The following ABCC1 variants were observed in gnomAD, a reference collection of about 807,000 sequenced individuals.
The protein encoded by ABCC1 is ATP binding cassette subfamily C member 1 (ABCC1 blood group).
A neutral mutation model predicts 172.9 loss-of-function variants in ABCC1; 83 were observed. The ratio of observed to expected loss-of-function variants is 0.48; its 90% CI spans 0.40 to 0.58. The LOEUF is 0.58. Among genes scored for constraint, ABCC1 ranks in the 20% least tolerant of loss-of-function variants. ABCC1 has a pLI of 0.00. For missense variants in ABCC1, 1,817 were observed against 2,002.7 expected, an observed-to-expected ratio of 0.91 and a Z score of 1.77; for synonymous variants, 937 against 825.2, an observed-to-expected ratio of 1.14 and a Z score of -2.32.
At chr16:16,092,575 A>G (rs1189478880) in intron 19 of ABCC1, among the ~76,000 whole-genome samples, 2 of 152,242 alleles carry the variant, frequency 1.3e-5, no homozygotes, top group Non-Finnish European at 2.9e-5. Context: ...TTGCGGAATA[A>G]TATGCCATTG....
At chr16:16,133,797 C>A (rs2045804156) in intron 27 of ABCC1, among the ~76,000 whole-genome samples, 1 of 152,198 alleles carries the variant, frequency 6.6e-6, no homozygotes, top group African/African-American at 2.4e-5. Context: ...AAGGAGCCCA[C>A]TTCTCAAGAG....
At chr16:16,000,952 A>G (rs1267968414) in intron 1 of ABCC1, among the ~76,000 whole-genome samples, 2 of 152,238 alleles carry the variant, frequency 1.3e-5, no homozygotes, top group Non-Finnish European at 2.9e-5. Context: ...GGATCTAGCA[A>G]GAGGTGACTG....
At chr16:16,010,060 T>TTTTTTTTTTTTA in intron 3 of ABCC1, among the ~76,000 whole-genome samples, 159 bp downstream of exon 3, 1 of 139,818 alleles carries the variant, frequency 7.2e-6, no homozygotes, top group Non-Finnish European at 1.6e-5. Flanking sequence ...TTTTTTTTTT[T>TTTTTTTTTTTTA]AAAGACATGA....
Position 16,086,905 on chromosome 16 carries a change from G to A in ABCC1, c.2374G>A (p.Asp792Asn). 2 of 1,614,188 alleles carry A rather than the reference G, an allele frequency of 1.2e-6. No homozygotes were observed. The highest frequency in any genetic ancestry group is 8.5e-7 in the Non-Finnish European group (1 of 1,180,042). ...VYSNADIYLF[D>N]DPLSAVDAHV... ...CTCCAACGCTGACATTTACCTCTTC[G>A]ATGATCCCCTCTCAGCAGTGGATGC... Residue 792 changes from aspartate to asparagine, a missense_variant, in exon 18 of 31, where the codon GAT becomes AAT. Asp to Asn is a conservative substitution (Grantham distance 23). Coordinates refer to ENST00000399410, the MANE Select transcript of ABCC1 (RefSeq NM_004996.4).
intron 1 of ABCC1, among the ~76,000 whole-genome samples, chr16:15,979,050 C>T (rs183125704): frequency 1.1e-4 from 17 of 152,046 alleles, no homozygotes; most frequent in Non-Finnish European, 8.8e-5. Flanking sequence ...CCCAGCACTT[C>T]GGGGGGCCCA....
intron 12 of ABCC1, among the ~76,000 whole-genome samples, chr16:16,059,987 ACT>A (rs960410228): frequency 6.6e-6 from 1 of 151,548 alleles, no homozygotes; most frequent in African/African-American, 2.4e-5. Flanking sequence ...ACAGAACAAG[ACT>A]CTGTCTCAAA....
intron 10 of ABCC1, among the ~76,000 whole-genome samples, 186 bp downstream of exon 10, chr16:16,048,489 C>T (rs559127197): frequency 1.3e-5 from 2 of 152,226 alleles, no homozygotes; most frequent in Non-Finnish European, 2.9e-5. Flanking sequence ...CCTGAATTGT[C>T]AGGTTGATGT....
Position 16,134,448 on chromosome 16 carries a change from C to A in ABCC1, c.4065C>A (p.Gly1355=). 6.2e-7 allele frequency: 1 copy of A among 1,614,140 alleles called. No homozygotes were observed. Residue 1355 remains glycine, a synonymous_variant, in exon 28 of 31, where the codon GGC becomes GGA. Coordinates refer to ENST00000399410, the MANE Select transcript of ABCC1 (RefSeq NM_004996.4). ...ESAEGEIIID[G]INIAKIGLHD... is the part of the protein sequence containing the mutation. The stretch of plus-strand genomic sequence containing the variant: ...CCGAAGGAGAGATCATCATCGATGG[C>A]ATCAACATCGCCAAGATCGGCCTGC...
At chr16:15,965,641 A>T (rs1233324380) in intron 1 of ABCC1, among the ~76,000 whole-genome samples, 2 of 151,556 alleles carry the variant, frequency 1.3e-5, no homozygotes, top group Non-Finnish European at 2.9e-5. Context: ...ACCATCACCC[A>T]GGCTGGAGTG....
At chr16:15,969,482 C>T (rs979209396) in intron 1 of ABCC1, among the ~76,000 whole-genome samples, 21 of 151,566 alleles carry the variant, frequency 1.4e-4, no homozygotes, top group African/African-American at 4.8e-4. Flanking sequence ...GAGTGATTCT[C>T]CTGCCTCAGC....
intron 21 of ABCC1, 26 bp downstream of exon 21, chr16:16,106,899 C>T (rs11075296): frequency 1 from 1,606,319 of 1,613,752 alleles, 799,732 homozygotes; most frequent in East Asian, 1. Flanking sequence ...TAAGTGATGA[C>T]AGTGGCTGGA....
chr16:16,004,326 G>A (rs142984291), intron 1 of ABCC1, among the ~76,000 whole-genome samples: 1 of 152,126 alleles, frequency 6.6e-6, no homozygotes, highest in Admixed American at 6.6e-5. Context: ...AACTGCATAT[G>A]TCAAGTCTTG....
At chr16:16,033,362 TG>T in intron 6 of ABCC1, among the ~76,000 whole-genome samples, 192 bp downstream of exon 6, 1 of 152,252 alleles carries the variant, frequency 6.6e-6, no homozygotes, top group Middle Eastern at 3.4e-3. Flanking sequence ...TCCGTGAACT[TG>T]AATGTGATAA....
intron 6 of ABCC1, 33 bp downstream of exon 6, chr16:16,033,203 G>A (rs1218772988): frequency 6.3e-7 from 1 of 1,590,366 alleles, no homozygotes; most frequent in South Asian, 1.1e-5. Flanking sequence ...TCAGGGAGGT[G>A]GTGGGGAGTG....
chr16:15,966,352 C>T (rs1280265764), intron 1 of ABCC1, among the ~76,000 whole-genome samples: 2 of 149,792 alleles, frequency 1.3e-5, no homozygotes, highest in African/African-American at 2.5e-5. Flanking sequence ...GCGGAGGTTG[C>T]AGTGAACTGA....
At chr16:16,024,948 G>C (rs7189316) in intron 5 of ABCC1, among the ~76,000 whole-genome samples, 70,328 of 151,866 alleles carry the variant, frequency 0.46, 18,079 homozygotes, top group Non-Finnish European at 0.59. Context: ...GGAGGCTTAG[G>C]GGGGAAGATT....
At position 16,056,246 on chromosome 16, in the gene ABCC1, C is replaced by A; in HGVS notation, c.1628C>A (p.Ala543Asp). Residue 543 changes from alanine (A) to aspartate (D), a missense_variant, in exon 12 of 31, where the codon GCC becomes GAC. Around this residue, in one of 3 missense-constraint regions of ABCC1, gnomAD observed 1,412 missense variants for 1,600.3 expected, o/e 0.88. Coordinates refer to ENST00000399410, the MANE Select transcript of ABCC1 (RefSeq NM_004996.4). ...QEELKVLKKS[A>D]YLSAVGTFTW... ...GAGCTGAAGGTGCTGAAGAAGTCTGCCTACCTGTCAGCCGTGGGCACCTTC... is the reference window on the plus strand; with the variant it reads ...GAGCTGAAGGTGCTGAAGAAGTCTGACTACCTGTCAGCCGTGGGCACCTTC... The A allele has an allele frequency of 1.2e-6, 2 of 1,614,230 alleles. No individual in the cohort carries two copies. The highest frequency in any genetic ancestry group is 1.7e-5 in the Admixed American group (1 of 60,024).
At chr16:15,992,747 C>T (rs563120832) in intron 1 of ABCC1, among the ~76,000 whole-genome samples, 8 of 152,318 alleles carry the variant, frequency 5.3e-5, no homozygotes, top group African/African-American at 1.4e-4. Flanking sequence ...CATGACCCTG[C>T]TTAATGCACT....
chr16:15,960,504 A>G (rs1331875708), intron 1 of ABCC1, among the ~76,000 whole-genome samples: 4 of 152,198 alleles, frequency 2.6e-5, no homozygotes, highest in African/African-American at 9.7e-5. Flanking sequence ...AGGATACAAC[A>G]GTGAACAGGA....
Sources: allele counts gnomAD v4.1 joint callset (sites outside exome capture counted in the v4.1 genomes callset), GRCh38; gene constraint gnomAD v4.1.1; regional missense constraint gnomAD v4.1.1; transcripts MANE v1.5; gene names NCBI Gene and HGNC (gene_info 2026-07-23, HGNC 2026-07-21).